SMYD3: variants seen among roughly 807,000 people sequenced by gnomAD.
The protein encoded by SMYD3 is histone-lysine N-methyltransferase SMYD3.
SMYD3 carries 36 observed loss-of-function variants against 57.7 expected under a neutral mutation model. The observed-to-expected ratio is 0.62, with a 90% confidence interval of 0.48 to 0.82. SMYD3 has a LOEUF of 0.82. Among genes scored for constraint, SMYD3 ranks in the 40% least tolerant of loss-of-function variants. The pLI, the probability that SMYD3 is intolerant of heterozygous loss-of-function variation, is 0.00. For missense variants in SMYD3, 515 were observed against 538.8 expected, an observed-to-expected ratio of 0.96 and a Z score of 0.44; for synonymous variants, 211 against 195.0, an observed-to-expected ratio of 1.08 and a Z score of -0.68.
At chr1:246,117,112 A>C (rs1457674169) in intron 5 of SMYD3, among the ~76,000 whole-genome samples, 1 of 152,242 alleles carries the variant, frequency 6.6e-6, no homozygotes, top group South Asian at 2.1e-4. Context: ...CTGAATTACA[A>C]ATAATCCACT....
intron 5 of SMYD3, among the ~76,000 whole-genome samples, chr1:246,260,025 C>T (rs2063974697): frequency 6.6e-6 from 1 of 152,164 alleles, no homozygotes; most frequent in Non-Finnish European, 1.5e-5. Flanking sequence ...GTGACTCGAA[C>T]TGCTGAACCA....
At chr1:246,453,379 G>A (rs1192160686) in intron 1 of SMYD3, among the ~76,000 whole-genome samples, 2 of 152,186 alleles carry the variant, frequency 1.3e-5, no homozygotes, top group African/African-American at 4.8e-5. Flanking sequence ...ATTGTTATAA[G>A]TGAGAATTTA....
intron 1 of SMYD3, among the ~76,000 whole-genome samples, chr1:246,506,366 T>C (rs1204117156): frequency 6.6e-6 from 1 of 152,206 alleles, no homozygotes; most frequent in Non-Finnish European, 1.5e-5. Flanking sequence ...GAGTTAGACA[T>C]GCCTGCACAG....
At chr1:246,395,397 G>A (rs1186064298) in intron 1 of SMYD3, among the ~76,000 whole-genome samples, 1 of 152,220 alleles carries the variant, frequency 6.6e-6, no homozygotes, top group Non-Finnish European at 1.5e-5. Context: ...CAGTCCAAGT[G>A]GAAATGTTCC....
At chr1:246,348,061 TA>T (rs1558415858) in intron 2 of SMYD3, among the ~76,000 whole-genome samples, 2 of 31,516 alleles carry the variant, frequency 6.3e-5, no homozygotes, top group Non-Finnish European at 1.2e-4. Context: ...AAGAAAACGT[TA>T]TATATATATA....
chr1:246,245,838 C>T (rs948053939), intron 5 of SMYD3, among the ~76,000 whole-genome samples: 1 of 152,132 alleles, frequency 6.6e-6, no homozygotes, highest in East Asian at 1.9e-4. Context: ...GCTATGAATA[C>T]ACCAAACTGT....
intron 1 of SMYD3, among the ~76,000 whole-genome samples, chr1:246,433,849 ATCACATTACCCAACT>A (rs2067332707): frequency 6.6e-6 from 1 of 152,238 alleles, no homozygotes; most frequent in Non-Finnish European, 1.5e-5. Context: ...AGCCAGAGGC[ATCACATTACCCAACT>A]TCAAAGTATA....
intron 5 of SMYD3, among the ~76,000 whole-genome samples, chr1:246,007,464 G>A (rs546076260): frequency 1.3e-5 from 2 of 152,166 alleles, no homozygotes; most frequent in African/African-American, 4.8e-5. Flanking sequence ...TTTCATGTAG[G>A]GGGAGAGATG....
At chr1:246,148,736 A>G (rs2061895681) in intron 5 of SMYD3, among the ~76,000 whole-genome samples, 1 of 152,240 alleles carries the variant, frequency 6.6e-6, no homozygotes, top group Non-Finnish European at 1.5e-5. Context: ...AGAAAAGATG[A>G]CTAAGTGACT....
At chr1:246,092,991 C>T (rs776929399) in intron 5 of SMYD3, among the ~76,000 whole-genome samples, 1 of 151,520 alleles carries the variant, frequency 6.6e-6, no homozygotes, top group Non-Finnish European at 1.5e-5. Flanking sequence ...AAGACAAATG[C>T]CCAACACATA....
rs542643062 is a variant in SMYD3 at position 246,085,744 on chromosome 1, T to C, written c.532-155807A>G. On this transcript the variant is annotated intron_variant, in intron 5 of 11. Coordinates refer to ENST00000490107, the MANE Select transcript of SMYD3 (RefSeq NM_001167740.2). The stretch of plus-strand genomic sequence containing the variant: ...TCCTTATGAAGTCTCCCATGTCACA[T>C]AAAACTTGAATAAATTTCTAATAAA... Among the ~76,000 whole-genome samples the C allele has an allele frequency of 3.6e-3, 554 of 152,210 alleles. 4 individuals are homozygous for C. The highest frequency in any genetic ancestry group is 6.8e-3 in the Middle Eastern group (2 of 294).
chr1:245,797,889 GCTT>G (rs932219601), intron 10 of SMYD3, among the ~76,000 whole-genome samples: 12 of 149,052 alleles, frequency 8.1e-5, no homozygotes, highest in African/African-American at 2.7e-4. Flanking sequence ...CTTGTGGTCT[GCTT>G]CTTATGTGTT....
intron 10 of SMYD3, among the ~76,000 whole-genome samples, chr1:245,776,949 T>A (rs531818742): frequency 8.7e-4 from 132 of 152,320 alleles, no homozygotes; most frequent in African/African-American, 3.0e-3. Context: ...AGAGCAGAAT[T>A]AAGTAGGAGG....
At chr1:246,223,471 A>G (rs566430437) in intron 5 of SMYD3, among the ~76,000 whole-genome samples, 4 of 152,268 alleles carry the variant, frequency 2.6e-5, no homozygotes, top group Non-Finnish European at 5.9e-5. Flanking sequence ...TCCAATCTCC[A>G]TAATTCTAGT....
At position 245,923,088 on chromosome 1, in the gene SMYD3, A is replaced by G. The variant is rs571857697; in HGVS notation, c.702+4843T>C. Among the ~76,000 whole-genome samples, 4 of 152,294 alleles carry G rather than the reference A, an allele frequency of 2.6e-5. No individual in the cohort carries two copies. The South Asian group carries it at 8.3e-4, about 32-fold the overall frequency. ...GCAAAGGAAACATCACGTTTCAATC[A>G]TATGGTTCAACGAGTTGAGAAAAAC... is the stretch of plus-strand genomic sequence containing the variant. On this transcript the variant is annotated intron_variant, in intron 7 of 11. Transcript: ENST00000490107.
intron 5 of SMYD3, among the ~76,000 whole-genome samples, chr1:245,937,462 T>C (rs138806940): frequency 6.6e-5 from 10 of 152,328 alleles, no homozygotes; most frequent in African/African-American, 2.2e-4. Context: ...CTGAGGCTCT[T>C]ACCTGGCATT....
chr1:245,958,220 G>A (rs1193664367), intron 5 of SMYD3, among the ~76,000 whole-genome samples: 3 of 152,200 alleles, frequency 2.0e-5, no homozygotes, highest in Non-Finnish European at 4.4e-5. Context: ...TGATCCTCAT[G>A]TTCCAAAGCA....
At position 246,355,134 on chromosome 1, in the gene SMYD3, G is replaced by C; in HGVS notation, c.165-40C>G. ...ATTAATTCTGCATTAAGAAATGAGTGGGAAACATAGTACATAGTTGAAGAA... is the reference window on the plus strand; with the variant it reads ...ATTAATTCTGCATTAAGAAATGAGTCGGAAACATAGTACATAGTTGAAGAA... On this transcript the variant is annotated intron_variant, in intron 1 of 11. Coordinates refer to ENST00000490107, the MANE Select transcript of SMYD3 (RefSeq NM_001167740.2). The surrounding 1 kb of genome is among the most constrained non-coding windows in gnomAD (Gnocchi z 5.0). 1 of 1,574,610 alleles carries C rather than the reference G, an allele frequency of 6.4e-7. No individual in the cohort carries two copies. The highest frequency in any genetic ancestry group is 8.7e-7 in the Non-Finnish European group (1 of 1,144,244).
chr1:246,395,633 GAACACACCACAGTCAGACAGGGAAGAC>G (rs2066649520), intron 1 of SMYD3, among the ~76,000 whole-genome samples: 4 of 30,468 alleles, frequency 1.3e-4, no homozygotes, highest in Admixed American at 2.4e-4. Context: ...CAGGGAAGAC[GAACACACCACAGTCAGACAGGGAAGAC>G]GAACCCACCA....
Sources: allele counts gnomAD v4.1 joint callset (sites outside exome capture counted in the v4.1 genomes callset), GRCh38; gene constraint gnomAD v4.1.1; non-coding constraint Gnocchi (gnomAD v3.1); transcripts MANE v1.5; gene names NCBI Gene and HGNC (gene_info 2026-07-23, HGNC 2026-07-21).